PLCB1: variants seen among roughly 807,000 people sequenced by gnomAD.
The protein encoded by PLCB1 is 1-phosphatidylinositol 4,5-bisphosphate phosphodiesterase beta-1.
PLCB1 carries 46 observed loss-of-function variants against 161.8 expected under a neutral mutation model. The ratio of observed to expected loss-of-function variants is 0.28; its 90% confidence interval spans 0.22 to 0.36. The LOEUF is 0.36. Among genes scored for constraint, PLCB1 ranks in the 10% least tolerant of loss-of-function variants. The pLI, the probability that PLCB1 is intolerant of heterozygous loss-of-function variation, is 1.00. For missense variants in PLCB1, 1,016 were observed against 1,472.5 expected, an observed-to-expected ratio of 0.69 and a Z score of 5.07; for synonymous variants, 517 against 503.7, an observed-to-expected ratio of 1.03 and a Z score of -0.35.
intron 21 of PLCB1, 78 bp downstream of exon 21, chr20:8,739,438 G>A: frequency 1.1e-6 from 1 of 882,220 alleles, no homozygotes; most frequent in Non-Finnish European, 1.9e-6. Context: ...ACTAGAAAAT[G>A]ACTTAAGAAA....
At chr20:8,534,984 G>C (rs1296744326) in intron 3 of PLCB1, among the ~76,000 whole-genome samples, 1 of 151,576 alleles carries the variant, frequency 6.6e-6, no homozygotes, top group East Asian at 1.9e-4. Context: ...TCCCTGAGAA[G>C]GGCTCAAGCA....
At chr20:8,723,540 TA>T (rs1979763454) in intron 15 of PLCB1, among the ~76,000 whole-genome samples, 1 of 152,182 alleles carries the variant, frequency 6.6e-6, no homozygotes, top group Non-Finnish European at 1.5e-5. Context: ...TCTATCAAAG[TA>T]ATATGTCATA....
At chr20:8,584,753 C>T (rs1376523277) in intron 3 of PLCB1, among the ~76,000 whole-genome samples, 1 of 152,050 alleles carries the variant, frequency 6.6e-6, no homozygotes, top group Admixed American at 6.5e-5. Context: ...TGCAATGGCA[C>T]GATCTCGGCT....
rs184420361 is a variant in PLCB1 at position 8,720,418 on chromosome 20, A to G, written c.1514-1936A>G. 1.7e-3 allele frequency among the ~76,000 whole-genome samples: 258 copies of G among 152,334 alleles called. 2 individuals carry two copies. Among genetic ancestry groups the G allele is most frequent in the African/African-American group, 4.6e-3 (193 of 41,580 alleles). On this transcript the variant is annotated intron_variant, in intron 14 of 31. Coordinates refer to ENST00000338037, the MANE Select transcript of PLCB1 (RefSeq NM_015192.4). ...CATTTTAATATGTAGGTACCTGAATAAAGAGCACCGCTAATTTACCATTTG... is the reference window on the plus strand; with the variant it reads ...CATTTTAATATGTAGGTACCTGAATGAAGAGCACCGCTAATTTACCATTTG...
chr20:8,493,776 G>A (rs1448693957), intron 3 of PLCB1, among the ~76,000 whole-genome samples: 1 of 88,522 alleles, frequency 1.1e-5, no homozygotes, highest in Non-Finnish European at 2.5e-5. Context: ...CATGAGTGCT[G>A]TGTGCTATAG....
chr20:8,349,766 C>T (rs1986120779), intron 2 of PLCB1, among the ~76,000 whole-genome samples: 1 of 151,760 alleles, frequency 6.6e-6, no homozygotes, highest in Non-Finnish European at 1.5e-5. Context: ...ACAAGCAGGT[C>T]TTATAAGACT....
chr20:8,194,805 A>C (rs547824005), intron 2 of PLCB1, among the ~76,000 whole-genome samples: 1 of 152,082 alleles, frequency 6.6e-6, no homozygotes, highest in Non-Finnish European at 1.5e-5. Context: ...TCATTGTCTC[A>C]TTGCTGGAAG....
At chr20:8,789,414 A>G in intron 29 of PLCB1, 104 bp from the exon 30 acceptor site, 5 of 792,074 alleles carry the variant, frequency 6.3e-6, no homozygotes, top group Non-Finnish European at 1.1e-5. Context: ...GAAAAAAGAA[A>G]AAGAATGTTG....
intron 1 of PLCB1, among the ~76,000 whole-genome samples, chr20:8,137,837 A>AT (rs2051364461): frequency 6.6e-6 from 1 of 152,156 alleles, no homozygotes; most frequent in African/African-American, 2.4e-5. Flanking sequence ...CTAATAAGCT[A>AT]TTTTTACTTT....
chr20:8,243,085 G>T (rs1322888646), intron 2 of PLCB1, among the ~76,000 whole-genome samples: 1 of 151,924 alleles, frequency 6.6e-6, no homozygotes, highest in Admixed American at 6.6e-5. Flanking sequence ...CAGCTTCCAG[G>T]TGGCTAGGTC....
At chr20:8,591,159 C>A (rs371529678) in intron 3 of PLCB1, among the ~76,000 whole-genome samples, 101 of 152,218 alleles carry the variant, frequency 6.6e-4, no homozygotes, top group Middle Eastern at 3.4e-3. Flanking sequence ...GATCTTGTTC[C>A]TTTTTATGGC....
chr20:8,406,849 T>TG (rs1347468862), intron 3 of PLCB1, among the ~76,000 whole-genome samples: 1 of 152,148 alleles, frequency 6.6e-6, no homozygotes, highest in Admixed American at 6.5e-5. Flanking sequence ...ATCCGTTTAT[T>TG]GGGGGTATTT....
At chr20:8,441,074 A>G (rs997656367) in intron 3 of PLCB1, among the ~76,000 whole-genome samples, 1 of 152,222 alleles carries the variant, frequency 6.6e-6, no homozygotes, top group African/African-American at 2.4e-5. Context: ...AAAAGGTAGC[A>G]TTACAAGAAA....
intron 13 of PLCB1, 95 bp downstream of exon 13, chr20:8,716,443 T>A (rs1979316498): frequency 5.5e-6 from 5 of 911,660 alleles, no homozygotes; most frequent in Non-Finnish European, 8.9e-6. Flanking sequence ...TTTATGTTTC[T>A]TGGTAAGATT....
chr20:8,651,682 A>G (rs1989326639), intron 7 of PLCB1: 2 of 428,054 alleles, frequency 4.7e-6, no homozygotes, highest in Admixed American at 4.7e-5. Flanking sequence ...AGGACAATAG[A>G]GTCTTCTGGG....
At chr20:8,842,356 G>A (rs1298455908) in intron 31 of PLCB1, among the ~76,000 whole-genome samples, 3 of 152,118 alleles carry the variant, frequency 2.0e-5, no homozygotes, top group Admixed American at 1.3e-4. Context: ...TTGACTGTTT[G>A]TAAGTCTAGC....
At chr20:8,514,539 A>G (rs1202420342) in intron 3 of PLCB1, among the ~76,000 whole-genome samples, 1 of 151,860 alleles carries the variant, frequency 6.6e-6, no homozygotes, top group Non-Finnish European at 1.5e-5. Context: ...TTAGCAAGGC[A>G]TGGTGGTGTG....
intron 3 of PLCB1, among the ~76,000 whole-genome samples, chr20:8,492,230 C>T (rs1463348310): frequency 6.6e-6 from 1 of 151,840 alleles, no homozygotes; most frequent in African/African-American, 2.4e-5. Context: ...TTAAGCTACC[C>T]ACTTTCTGTT....
chr20:8,666,680 T>G (rs1989819896), intron 9 of PLCB1, among the ~76,000 whole-genome samples: 1 of 152,222 alleles, frequency 6.6e-6, no homozygotes, highest in Non-Finnish European at 1.5e-5. Flanking sequence ...CCAACAGGAC[T>G]TGCTTAGAAA....
Sources: gnomAD v4.1 joint callset for allele counts (sites outside exome capture counted in the v4.1 genomes callset) on GRCh38, gnomAD v4.1.1 for gene constraint, MANE v1.5 for transcripts, NCBI Gene and HGNC (gene_info 2026-07-23, HGNC 2026-07-21) for gene names.